ARHGAP21: variants seen among roughly 807,000 people sequenced by gnomAD.
The protein encoded by ARHGAP21 is Rho GTPase activating protein 21, also known as rho GTPase-activating protein 21.
ARHGAP21 carries 38 observed loss-of-function variants against 164.6 expected under a neutral mutation model. The ratio of observed to expected loss-of-function variants is 0.23; its 90% CI spans 0.18 to 0.30. The LOEUF (loss-of-function observed/expected upper bound fraction) is 0.30, where lower values mean the gene tolerates loss of function less well. Among genes scored for constraint, ARHGAP21 ranks in the 10% least tolerant of loss-of-function variants. The pLI is 1.00. For missense variants in ARHGAP21, 1,822 were observed against 2,370.7 expected (o/e 0.77, Z 4.81); for synonymous variants, 766 against 857.9 (o/e 0.89, Z 1.87).
At chr10:24,715,853 A>G (rs1295909876) in intron 2 of ARHGAP21, among the ~76,000 whole-genome samples, 1 of 152,110 alleles carries the variant, frequency 6.6e-6, no homozygotes, top group Non-Finnish European at 1.5e-5. Flanking sequence ...TACTAAACAT[A>G]CAAAAATTAA....
Position 24,607,807 on chromosome 10 carries a change from G to C in ARHGAP21, c.2519C>G (p.Thr840Arg). Residue 840 changes from threonine (T) to arginine (R), a missense_variant, in exon 10 of 26, where the codon ACA (threonine) becomes AGA (arginine). Coordinates refer to ENST00000396432, the MANE Select transcript of ARHGAP21 (RefSeq NM_020824.4). ...ASTSQVPSIATVPPCLTTSAP... is the reference protein window; with the variant it reads ...ASTSQVPSIARVPPCLTTSAP... ...TGAAGTTGTGAGGCAAGGAGGAACT[G>C]TTGCTATGGAGGGGACCTGAGAGGT... is the stretch of plus-strand genomic sequence containing the variant. 6.2e-7 allele frequency: 1 copy of C among 1,614,160 alleles called. No individual in the cohort carries two copies. Among genetic ancestry groups the C allele is most frequent in the East Asian group, 2.2e-5 (1 of 44,882 alleles).
At chr10:24,628,952 C>CACTATATATA (rs1554977802) in intron 7 of ARHGAP21, 5 of 13,764 alleles carry the variant, frequency 3.6e-4, no homozygotes, top group African/African-American at 1.2e-3. Flanking sequence ...CACACACACA[C>CACTATATATA]TATATATATA....
chr10:24,596,518 T>C, intron 17 of ARHGAP21: 1 of 612,336 alleles, frequency 1.6e-6, no homozygotes, highest in Non-Finnish European at 2.7e-6. Context: ...TTACAGACCA[T>C]TTCAGACAAA....
chr10:24,711,084 A>C (rs1844742836), intron 2 of ARHGAP21, among the ~76,000 whole-genome samples: 1 of 113,068 alleles, frequency 8.8e-6, no homozygotes, highest in Non-Finnish European at 1.8e-5. Context: ...ATGGAGCAAG[A>C]CTCCATCTCA....
At chr10:24,670,446 C>A in intron 2 of ARHGAP21, 49 bp from the exon 3 acceptor site, 1 of 1,277,112 alleles carries the variant, frequency 7.8e-7, no homozygotes, top group Non-Finnish European at 1.0e-6. Context: ...CAATATACTT[C>A]CTCATCTAAA....
At chr10:24,601,783 A>G (rs1341565191) in intron 13 of ARHGAP21, among the ~76,000 whole-genome samples, 195 bp downstream of exon 13, 2 of 152,202 alleles carry the variant, frequency 1.3e-5, no homozygotes, top group Non-Finnish European at 1.5e-5. Context: ...ACACAGGACA[A>G]AAAGTACCAA....
At chr10:24,717,611 A>C (rs1369748660) in intron 2 of ARHGAP21, among the ~76,000 whole-genome samples, 1 of 152,248 alleles carries the variant, frequency 6.6e-6, no homozygotes, top group South Asian at 2.1e-4. Flanking sequence ...AGAAGAAAGG[A>C]CCTGACAGGA....
intron 4 of ARHGAP21, among the ~76,000 whole-genome samples, chr10:24,650,592 TAAG>T (rs1044995701): frequency 1.3e-5 from 2 of 151,988 alleles, no homozygotes; most frequent in Non-Finnish European, 2.9e-5. Flanking sequence ...GAGAAAAATA[TAAG>T]AATGAACCAA....
rs569728396 is a variant in ARHGAP21, at chr10:24,621,438, T to G, written c.526-69A>C. The G allele has an allele frequency of 1.5e-5, 21 of 1,377,932 alleles. No homozygotes were observed. In the South Asian group the frequency reaches 2.5e-4, roughly 17 times the overall value. The allele number at this position is 1,377,932 out of a possible 1,614,324, so 85.4% of individuals were successfully genotyped here. ...AGAATAATAATTTCCATTTTTACAG[T>G]GCACTATTTTATCTATGTCCTACCT... is the stretch of plus-strand genomic sequence containing the variant. On this transcript the variant is annotated intron_variant, in intron 8 of 25. Coordinates refer to ENST00000396432, the MANE Select transcript of ARHGAP21 (RefSeq NM_020824.4).
intron 3 of ARHGAP21, among the ~76,000 whole-genome samples, chr10:24,667,993 T>C (rs898362740): frequency 6.6e-6 from 1 of 152,230 alleles, no homozygotes; most frequent in Non-Finnish European, 1.5e-5. Flanking sequence ...AGAACATCTG[T>C]ATTAAATAAT....
chr10:24,667,521 T>G (rs558429185), intron 3 of ARHGAP21, among the ~76,000 whole-genome samples: 1 of 152,342 alleles, frequency 6.6e-6, no homozygotes, highest in South Asian at 2.1e-4. Flanking sequence ...TTTTGAAGTT[T>G]ATCTACTTGG....
At chr10:24,639,378 C>T (rs181541771) in intron 4 of ARHGAP21, among the ~76,000 whole-genome samples, 3 of 152,106 alleles carry the variant, frequency 2.0e-5, no homozygotes, top group African/African-American at 7.2e-5. Context: ...ATTCCTACCT[C>T]GCAAGGTTGT....
intron 4 of ARHGAP21, among the ~76,000 whole-genome samples, chr10:24,656,258 G>A (rs1447662651): frequency 8.1e-6 from 1 of 124,196 alleles, no homozygotes; most frequent in Non-Finnish European, 1.7e-5. Flanking sequence ...TCCGGGAGGT[G>A]AGAGGCACCT....
chr10:24,676,725 A>C (rs1234951617), intron 2 of ARHGAP21, among the ~76,000 whole-genome samples: 5 of 152,236 alleles, frequency 3.3e-5, no homozygotes, highest in African/African-American at 4.8e-5. Context: ...ATTTGGAGTC[A>C]GCTGAATCAG....
intron 21 of ARHGAP21, among the ~76,000 whole-genome samples, chr10:24,594,578 GGA>G (rs2076494386): frequency 6.6e-6 from 1 of 151,850 alleles, no homozygotes; most frequent in African/African-American, 2.4e-5. Context: ...GGTGTTAAAA[GGA>G]ATGAAAATGA....
chr10:24,635,005 C>A lies in ARHGAP21; in HGVS notation c.361+6G>T. ...AAACGTATTGTTTAAAGAAGAATAT[C>A]AGCACCTGTACATAATCCAGCTTCA... On this transcript the variant is annotated splice_donor_region_variant and intron_variant, in intron 5 of 25. Transcript: ENST00000396432. The A allele has an allele frequency of 1.3e-6, 2 of 1,527,768 alleles. No homozygotes were observed. Among genetic ancestry groups the A allele is most frequent in the South Asian group, 1.3e-5 (1 of 78,832 alleles). 94.6% of individuals were successfully genotyped at this position (1,527,768 alleles called of 1,614,324 possible).
intron 2 of ARHGAP21, among the ~76,000 whole-genome samples, chr10:24,686,321 T>C (rs1167202073): frequency 2.0e-5 from 3 of 152,090 alleles, no homozygotes; most frequent in Admixed American, 6.5e-5. Flanking sequence ...CCAAGCTACA[T>C]GGGAGGCTAA....
intron 21 of ARHGAP21, 144 bp from the exon 22 acceptor site, chr10:24,592,156 ATTTTTTTTTT>A (rs57846258): frequency 5.6e-5 from 12 of 213,694 alleles, no homozygotes; most frequent in Middle Eastern, 1.3e-3. Context: ...TTCTAGCAAG[ATTTTTTTTTT>A]TTTTTTTTTT....
intron 2 of ARHGAP21, among the ~76,000 whole-genome samples, chr10:24,673,993 A>G (rs1840968739): frequency 6.6e-6 from 1 of 152,246 alleles, no homozygotes; most frequent in Non-Finnish European, 1.5e-5. Context: ...CAAGGAACAT[A>G]ATCCATTAAC....
Sources: allele counts gnomAD v4.1 joint callset (sites outside exome capture counted in the v4.1 genomes callset), GRCh38; gene constraint gnomAD v4.1.1; transcripts MANE v1.5; gene names NCBI Gene and HGNC (gene_info 2026-07-23, HGNC 2026-07-21).